CORO2B: variants seen among roughly 807,000 people sequenced by gnomAD.
CORO2B encodes coronin 2B, also known as coronin-2B.
Under a neutral mutation model 58.8 loss-of-function variants are expected in CORO2B, and 26 were observed. The ratio of observed to expected loss-of-function variants is 0.44; its 90% confidence interval spans 0.32 to 0.61. The LOEUF (loss-of-function observed/expected upper bound fraction) is 0.61, where lower values mean the gene tolerates loss of function less well. Ranked by LOEUF, CORO2B falls within the 20% of genes least tolerant of loss-of-function variation. CORO2B has a pLI of 0.04. For synonymous variants in CORO2B, 242 were observed against 253.8 expected (o/e 0.95, Z 0.44); for missense variants, 460 against 645.1 (o/e 0.71, Z 3.11).
chr15:68,592,947 T>C (rs925797406), intron 1 of CORO2B, among the ~76,000 whole-genome samples: 5 of 152,186 alleles, frequency 3.3e-5, no homozygotes, highest in African/African-American at 1.2e-4. Flanking sequence ...ACTGGGTAGT[T>C]TATAAAGAAC....
intron 1 of CORO2B, among the ~76,000 whole-genome samples, chr15:68,585,033 C>A (rs1899516790): frequency 6.6e-6 from 1 of 152,214 alleles, no homozygotes; most frequent in African/African-American, 2.4e-5. Flanking sequence ...CCCGCAGAGG[C>A]CCCTGGAGGG....
At chr15:68,612,213 C>T (rs760956425) in intron 1 of CORO2B, among the ~76,000 whole-genome samples, 1 of 152,178 alleles carries the variant, frequency 6.6e-6, no homozygotes, top group Admixed American at 6.5e-5. Flanking sequence ...GATGCATGTA[C>T]ACATTGAAAG....
At chr15:68,711,154 C>G (rs1238814313) in intron 4 of CORO2B, among the ~76,000 whole-genome samples, 1 of 152,164 alleles carries the variant, frequency 6.6e-6, no homozygotes, top group Non-Finnish European at 1.5e-5. Context: ...CACCCTTTGC[C>G]TGGCCACTTC....
chr15:68,678,338 C>T (rs1424179704), intron 2 of CORO2B, among the ~76,000 whole-genome samples: 2 of 152,148 alleles, frequency 1.3e-5, no homozygotes, highest in Non-Finnish European at 1.5e-5. Context: ...TCCCCTCCCT[C>T]ACACTGAGCC....
At chr15:68,577,900 T>G (rs189301320), upstream of CORO2B, among the ~76,000 whole-genome samples, 341 of 152,222 alleles carry the variant, frequency 2.2e-3, 1 homozygote, top group African/African-American at 7.9e-3. Flanking sequence ...TGACGTTGCC[T>G]TCGCTGTCCA....
At chr15:68,684,738 G>T (rs1253428246) in intron 2 of CORO2B, among the ~76,000 whole-genome samples, 3 of 152,182 alleles carry the variant, frequency 2.0e-5, no homozygotes, top group Non-Finnish European at 1.5e-5. Flanking sequence ...AGTTTATCTG[G>T]GTAACACTAA....
At position 68,702,821 on chromosome 15, in the gene CORO2B, C is replaced by CTTTTTTTTT. The variant is rs113249272; in HGVS notation, c.333+7580_333+7588dup. Among the ~76,000 whole-genome samples the CTTTTTTTTT allele has an allele frequency of 7.2e-4, 69 of 96,246 alleles. 1 individual carries two copies. Among genetic ancestry groups the CTTTTTTTTT allele is most frequent in the Non-Finnish European group, 1.0e-3 (52 of 51,854 alleles). 63.1% of individuals were successfully genotyped at this position (96,246 alleles called of 152,430 possible). ...ACCATATCTTTTTCTTTTTCTTTTT[C>CTTTTTTTTT]TTTTTTTTTTTTTTTTTTTTTTTGA... On this transcript the variant is annotated intron_variant, in intron 3 of 11. Coordinates refer to ENST00000261861, the MANE Select transcript of CORO2B (RefSeq NM_006091.5).
At chr15:68,649,463 A>G (rs911124662) in intron 2 of CORO2B, among the ~76,000 whole-genome samples, 1 of 152,190 alleles carries the variant, frequency 6.6e-6, no homozygotes, top group African/African-American at 2.4e-5. Context: ...GGGTAAACAA[A>G]TTAGGGAAGA....
intron 1 of CORO2B, among the ~76,000 whole-genome samples, chr15:68,633,514 T>TACACACAC (rs147873341): frequency 0.038 from 5,532 of 143,792 alleles, 167 homozygotes; most frequent in African/African-American, 0.067. Context: ...TACTCCAACA[T>TACACACAC]ACACACACAC....
chr15:68,518,683 G>T, the CORO2B span, among the ~76,000 whole-genome samples: 1 of 152,044 alleles, frequency 6.6e-6, no homozygotes, highest in South Asian at 2.1e-4. Flanking sequence ...ACAGGCTTCG[G>T]GCTGATCTCT....
intron 3 of CORO2B, among the ~76,000 whole-genome samples, chr15:68,708,680 CT>C (rs149417380): frequency 8.7e-5 from 13 of 149,030 alleles, no homozygotes; most frequent in African/African-American, 1.2e-4. Flanking sequence ...GGCTTTCTTC[CT>C]TTTTTTTTTA....
the CORO2B span, among the ~76,000 whole-genome samples, chr15:68,548,140 C>T: frequency 2.6e-5 from 4 of 151,540 alleles, no homozygotes; most frequent in Non-Finnish European, 5.9e-5. Flanking sequence ...CACTGCACTC[C>T]AGCCTGGGCA....
chr15:68,689,183 G>C (rs1718052197), intron 2 of CORO2B, among the ~76,000 whole-genome samples: 1 of 151,920 alleles, frequency 6.6e-6, no homozygotes, highest in African/African-American at 2.4e-5. Context: ...ACAGGGTGAA[G>C]ATCTCCCTAA....
At chr15:68,682,115 G>A (rs1001388672) in intron 2 of CORO2B, among the ~76,000 whole-genome samples, 1 of 152,136 alleles carries the variant, frequency 6.6e-6, no homozygotes, top group South Asian at 2.1e-4. Context: ...TCATGGTAGG[G>A]CACTGCATCC....
chr15:68,628,476 A>G (rs1900741472), intron 1 of CORO2B, among the ~76,000 whole-genome samples: 1 of 152,378 alleles, frequency 6.6e-6, no homozygotes, highest in African/African-American at 2.4e-5. Context: ...AGCAAGTACA[A>G]CACTAAGTGT....
chr15:68,528,747 G>A, the CORO2B span, among the ~76,000 whole-genome samples: 28 of 146,114 alleles, frequency 1.9e-4, no homozygotes, highest in Admixed American at 1.0e-3. Flanking sequence ...GAATTCACTA[G>A]TGAGTTCATC....
At chr15:68,725,814 C>G in intron 11 of CORO2B, 29 bp from the exon 12 acceptor site, 1 of 1,612,276 alleles carries the variant, frequency 6.2e-7, no homozygotes. Context: ...CCTGGGCCCT[C>G]CTTGGCCCCC....
At chr15:68,660,482 C>T (rs1901979516) in intron 2 of CORO2B, among the ~76,000 whole-genome samples, 1 of 152,126 alleles carries the variant, frequency 6.6e-6, no homozygotes. Flanking sequence ...GTGATGCTCT[C>T]ACCTCAGCCT....
intron 1 of CORO2B, chr15:68,632,361 C>T (rs1030287591): frequency 1.4e-5 from 14 of 985,356 alleles, no homozygotes; most frequent in African/African-American, 1.4e-4. Context: ...AGTGATAAAA[C>T]GCATTCAGCT....
Sources: gnomAD v4.1 joint callset for allele counts (sites outside exome capture counted in the v4.1 genomes callset) on GRCh38, gnomAD v4.1.1 for gene constraint, MANE v1.5 for transcripts, NCBI Gene and HGNC (gene_info 2026-07-23, HGNC 2026-07-21) for gene names.